Variants in RENBP observed in about 807,000 individuals in gnomAD.
RENBP encodes the protein N-acylglucosamine 2-epimerase.
RENBP carries 16 observed loss-of-function variants against 37.8 expected under a neutral mutation model. That is an observed-to-expected ratio of 0.42 (90% CI 0.29 to 0.64). The LOEUF is 0.64. Among genes scored for constraint, RENBP ranks in the 30% least tolerant of loss-of-function variants. The pLI is 0.19. For synonymous variants in RENBP, 170 were observed against 154.8 expected (o/e 1.10, Z -0.73); for missense variants, 347 against 379.5 (o/e 0.91, Z 0.71).
chrX:153,939,912 C>T (rs113598254), intron 9 of RENBP, among the ~76,000 whole-genome samples, 190 bp downstream of exon 9: 344 of 109,646 alleles, frequency 3.1e-3, no homozygotes, highest in African/African-American at 9.6e-3. Context: ...CTCCTCCCGC[C>T]CCCACCACCA....
intron 9 of RENBP, among the ~76,000 whole-genome samples, chrX:153,937,629 A>T (rs1471432350): frequency 6.7e-5 from 7 of 105,069 alleles, no homozygotes; most frequent in African/African-American, 2.5e-4. Context: ...TATTTTTTTT[A>T]TTTTTTATTT....
rs1241256147 is a variant in RENBP at position 153,940,254 on chromosome X, G to A, written c.946-21C>T. 5.0e-6 allele frequency: 6 copies of A among 1,207,549 alleles called. No homozygotes were observed. In the African/African-American group the frequency reaches 1.1e-4, roughly 21 times the overall value. On this transcript the variant is annotated intron_variant, in intron 8 of 10. Transcript: ENST00000393700. ...TCCAGCTGAGGGGAGAGCAGGGGCA[G>A]GCATCTCAGCAGGAAACTCCCCTCC...
At chrX:153,944,452 A>G (rs1557110241) in intron 1 of RENBP, 34 bp from the exon 2 acceptor site, 1 of 1,178,620 alleles carries the variant, frequency 8.5e-7, no homozygotes. Context: ...CGCAGCCCCC[A>G]CATGGGACCT....
intron 8 of RENBP, among the ~76,000 whole-genome samples, chrX:153,940,499 T>C (rs1557109351): frequency 9.0e-6 from 1 of 111,304 alleles, no homozygotes; most frequent in East Asian, 2.8e-4. Flanking sequence ...GTGTCAGAGG[T>C]GTGTAAACCA....
chrX:153,937,196 A>AT, intron 9 of RENBP: 1 of 104,528 alleles, frequency 9.6e-6, no homozygotes, highest in Non-Finnish European at 1.7e-5. Context: ...ACCCTGTCTC[A>AT]AAAATAAATA....
chrX:153,943,400 G>A (rs1323460280), intron 5 of RENBP, 146 bp downstream of exon 5: 1 of 604,201 alleles, frequency 1.7e-6, no homozygotes, highest in Non-Finnish European at 2.6e-6. Context: ...GCGCCCCTGT[G>A]GGGGTAGGGG....
In RENBP at chrX:153,935,324, A is replaced by T. The variant is rs1218119048; in HGVS notation, c.1246T>A (p.Ser416Thr). 43 of 701,156 alleles carry T rather than the reference A, an allele frequency of 6.1e-5. No homozygotes were observed. Among genetic ancestry groups the T allele is most frequent in the Non-Finnish European group, 7.9e-5 (41 of 521,364 alleles). 57.8% of individuals were successfully genotyped at this position (701,156 alleles called of 1,213,427 possible). A position where few individuals can be genotyped will look rare whatever the true frequency, so the allele number is the denominator to read the frequency against. ...ALLSRPAPAP[S>T]PAPTPACRGA... is the part of the protein sequence containing the mutation. The stretch of plus-strand genomic sequence containing the variant: ...CGGCAGGCGGGGGTGGGGGCGGGGG[A>T]GGGGGCGGGGGCGGGGCGGCTCAGC... The change falls in exon 11 of 11, where the codon TCC becomes ACC. Residue 416 changes from serine (S) to threonine (T), a missense_variant. Physicochemically the swap from Ser to Thr is moderately conservative, Grantham distance 58. Transcript: ENST00000393700.
intron 5 of RENBP, 117 bp from the exon 6 acceptor site, chrX:153,943,196 A>G: frequency 1.8e-6 from 1 of 559,898 alleles, no homozygotes; most frequent in Non-Finnish European, 2.7e-6. Context: ...AGACACCTTC[A>G]TCCAGGGCCT....
chrX:153,943,887 G>C lies in RENBP; in HGVS notation c.289+8C>G. 8.5e-7 allele frequency: 1 copy of C among 1,176,065 alleles called. No homozygotes were observed. Among genetic ancestry groups the C allele is most frequent in the Non-Finnish European group, 1.1e-6 (1 of 876,685 alleles). On this transcript the variant is annotated splice_region_variant and intron_variant, in intron 4 of 10. Transcript: ENST00000393700. ...TCACTGGGAGATGGGCAGGAAGGGG[G>C]CACCTACCTGCTTTTGCTGCGTCCA... is the stretch of plus-strand genomic sequence containing the variant.
At chrX:153,938,798 T>G (rs2065214286) in intron 9 of RENBP, among the ~76,000 whole-genome samples, 1 of 95,127 alleles carries the variant, frequency 1.1e-5, no homozygotes, top group African/African-American at 4.2e-5. Flanking sequence ...TTTTTTTTGT[T>G]TTTTTTTTTT....
chrX:153,942,297 C>T (rs183977778), intron 6 of RENBP: 164 of 243,348 alleles, frequency 6.7e-4, no homozygotes, highest in Non-Finnish European at 1.0e-3. Flanking sequence ...GTGCAGTGGC[C>T]GCAATCTCGA....
At position 153,935,364 on chromosome X, in the gene RENBP, C is replaced by G. The variant is rs1204486407; in HGVS notation, c.1206G>C (p.Glu402Asp). ...GGCGGCTCAGCAGGGCGCCCAGCAT[C>G]TCCTCGCACATGGCTAGGCACCGCG... ...HVPRCLAMCE[E>D]MLGALLSRPA... The change falls in exon 11 of 11, where the codon GAG becomes GAC. Residue 402 changes from glutamate (E) to aspartate (D), a missense_variant. Physicochemically the swap from Glu to Asp is conservative, Grantham distance 45. Around this residue, in one of 3 missense-constraint regions of RENBP, gnomAD observed 91 missense variants for 67.7 expected, o/e 1.34. Transcript: ENST00000393700. 8.9e-6 allele frequency: 10 copies of G among 1,120,895 alleles called. No homozygotes were observed. The highest frequency in any genetic ancestry group is 2.2e-5 in the South Asian group (1 of 45,551). The allele number at this position is 1,120,895 out of a possible 1,213,427, so 92.4% of individuals were successfully genotyped here. A position where few individuals can be genotyped will look rare whatever the true frequency, so the allele number is the denominator to read the frequency against.
Position 153,935,324 on chromosome X carries a change from AGGGGGCGGGGGC to A in RENBP, c.1234_1245del (p.Ala412_Pro415del), listed in dbSNP as rs782714754. On this transcript the variant is annotated inframe_deletion, in exon 11 of 11. Transcript: ENST00000393700. ...CGGCAGGCGGGGGTGGGGGCGGGGG[AGGGGGCGGGGGC>A]GGGGCGGCTCAGCAGGGCGCCCAGC... 9 of 701,109 alleles carry A rather than the reference AGGGGGCGGGGGC, an allele frequency of 1.3e-5. No homozygotes were observed. The highest frequency in any genetic ancestry group is 2.9e-5 in the African/African-American group (1 of 33,908). 57.8% of individuals were successfully genotyped at this position (701,109 alleles called of 1,213,427 possible). A position where few individuals can be genotyped will look rare whatever the true frequency, so the allele number is the denominator to read the frequency against.
At chrX:153,941,925 G>GCGCGCCCC in intron 7 of RENBP, 25 bp downstream of exon 7, 2 of 708,482 alleles carry the variant, frequency 2.8e-6, no homozygotes, top group Non-Finnish European at 4.6e-6. Flanking sequence ...CTCCTGGGTG[G>GCGCGCCCC]CCCCCAGCCC....
Position 153,944,386 on chromosome X carries a change from G to A in RENBP, c.60C>T (p.Ala20=). 8.3e-7 allele frequency: 1 copy of A among 1,211,195 alleles called. No individual in the cohort carries two copies. Among genetic ancestry groups the A allele is most frequent in the Non-Finnish European group, 1.1e-6 (1 of 895,105 alleles). ...DMEKERETLQ[A]WKERVGQELD... ...GCTCCTGCCCCACGCGCTCCTTCCA[G>A]GCCTGCAGAGTCTCTCGCTCTTTCT... is the stretch of plus-strand genomic sequence containing the variant. Residue 20 remains alanine (A), a synonymous_variant, in exon 2 of 11, where the codon GCC becomes GCT. Transcript: ENST00000393700.
chrX:153,940,324 G>C, intron 8 of RENBP, 91 bp from the exon 9 acceptor site: 1 of 1,079,622 alleles, frequency 9.3e-7, no homozygotes, highest in Non-Finnish European at 1.3e-6. Flanking sequence ...CCAAGCTACT[G>C]GAGGTGAATT....
Position 153,943,553 on chromosome X carries a change from C to T in RENBP, c.455G>A (p.Arg152Gln), listed in dbSNP as rs143352978. The change falls in exon 5 of 11, where the codon CGG (arginine) becomes CAG (glutamine). Residue 152 changes from arginine (R) to glutamine (Q), a missense_variant. Transcript: ENST00000393700. ...CACCCTCCTCTCACACACCTGGTAC[C>T]GCACTTCCCCTGTGGCTCTCCACAG... ...NELWRATGEV[R>Q]YQTEAVEMMD... 22 of 1,205,757 alleles carry T rather than the reference C, an allele frequency of 1.8e-5. 1 individual carries two copies. The highest frequency in any genetic ancestry group is 8.8e-5 in the Admixed American group (4 of 45,710).
Position 153,941,950 on chromosome X carries a change from C to CCCCAGG in RENBP, c.768_769insCCTGGG (p.Pro256_Gly257insProGly). On this transcript the variant is annotated inframe_insertion and splice_region_variant, in exon 7 of 11. Transcript: ENST00000393700. Reference sequence around the variant, plus strand: ...GCCCCCAGCCCACCCCGCCCCTCACCTGGGTTCTGCTGTCTCCCCAGGCAG... The same window carrying CCCCAGG: ...GCCCCCAGCCCACCCCGCCCCTCACCCCCAGGTGGGTTCTGCTGTCTCCCCAGGCAG... The CCCCAGG allele has an allele frequency of 8.8e-7, 1 of 1,130,626 alleles. No individual in the cohort carries two copies. Among genetic ancestry groups the CCCCAGG allele is most frequent in the Non-Finnish European group, 1.2e-6 (1 of 823,198 alleles). 93.2% of individuals were successfully genotyped at this position (1,130,626 alleles called of 1,213,427 possible).
At position 153,942,889 on chromosome X, in the gene RENBP, T is replaced by G; in HGVS notation, c.653A>C (p.Asp218Ala). The change falls in exon 6 of 11, where the codon GAC becomes GCC. Residue 218 changes from aspartate (D) to alanine (A), a missense_variant. By Grantham distance (126) the Asp-to-Ala change is moderately radical (BLOSUM62 -2). Around this residue, in one of 3 missense-constraint regions of RENBP, gnomAD observed 244 missense variants for 279.4 expected, o/e 0.87. Coordinates refer to ENST00000393700, the MANE Select transcript of RENBP (RefSeq NM_002910.6). The part of the protein sequence containing the change: ...ELAGKYAELG[D>A]WCARRILQHV... ...CTGCAGAATCCTCCGGGCGCACCAGTCCCCCAGCTCTGCGTATTTGCCCGC... is the reference window on the plus strand; with the variant it reads ...CTGCAGAATCCTCCGGGCGCACCAGGCCCCCAGCTCTGCGTATTTGCCCGC... 8.3e-7 allele frequency: 1 copy of G among 1,209,800 alleles called. No individual in the cohort carries two copies. The highest frequency in any genetic ancestry group is 1.1e-6 in the Non-Finnish European group (1 of 894,627).
Sources: allele counts gnomAD v4.1 joint callset (sites outside exome capture counted in the v4.1 genomes callset), GRCh38; gene constraint gnomAD v4.1.1; regional missense constraint gnomAD v4.1.1; transcripts MANE v1.5; gene names NCBI Gene and HGNC (gene_info 2026-07-23, HGNC 2026-07-21).